Variants in ADGRL3 observed in about 807,000 individuals in gnomAD.
ADGRL3 encodes adhesion G protein-coupled receptor L3, also known as calcium-independent alpha-latrotoxin receptor 3.
A neutral mutation model predicts 153.5 loss-of-function variants in ADGRL3; 62 were observed. The ratio of observed to expected loss-of-function variants is 0.40; its 90% CI spans 0.33 to 0.50. The LOEUF is 0.50. ADGRL3 is among the 20% of genes least tolerant of loss of function. The pLI is 0.47. For missense variants in ADGRL3, 1,641 were observed against 1,859.4 expected (o/e 0.88, Z 2.16); for synonymous variants, 710 against 672.5 (o/e 1.06, Z -0.86).
intron 1 of ADGRL3, among the ~76,000 whole-genome samples, chr4:61,375,927 G>A (rs1026415732): frequency 4.6e-5 from 7 of 151,960 alleles, no homozygotes; most frequent in African/African-American, 1.4e-4. Flanking sequence ...GAGAACACAT[G>A]TTTTCTTTCC....
chr4:61,396,148 C>G (rs1365588324), intron 2 of ADGRL3, among the ~76,000 whole-genome samples: 1 of 151,922 alleles, frequency 6.6e-6, no homozygotes, highest in Non-Finnish European at 1.5e-5. Context: ...AAATGCTTGA[C>G]AGATTTCCCG....
intron 8 of ADGRL3, among the ~76,000 whole-genome samples, chr4:61,793,826 C>T (rs1000724373): frequency 6.6e-6 from 1 of 152,022 alleles, no homozygotes; most frequent in African/African-American, 2.4e-5. Flanking sequence ...AATATGACCT[C>T]AACATATGGT....
At chr4:61,864,507 C>T (rs1042935282) in intron 9 of ADGRL3, among the ~76,000 whole-genome samples, 5 of 152,096 alleles carry the variant, frequency 3.3e-5, no homozygotes, top group East Asian at 3.9e-4. Context: ...AGATACTTAA[C>T]GTTAATTGAG....
At chr4:61,425,011 C>G (rs2152368792) in intron 2 of ADGRL3, among the ~76,000 whole-genome samples, 1 of 152,244 alleles carries the variant, frequency 6.6e-6, no homozygotes, top group East Asian at 1.9e-4. Context: ...TATGGCCATT[C>G]CATGTCTCCA....
intron 13 of ADGRL3, among the ~76,000 whole-genome samples, chr4:61,926,555 G>C (rs1436461642): frequency 6.6e-6 from 1 of 152,028 alleles, no homozygotes; most frequent in Non-Finnish European, 1.5e-5. Flanking sequence ...CTCTATGTTA[G>C]CTAATTAGCC....
At chr4:61,996,383 T>C (rs2099121675) in intron 20 of ADGRL3, 26 bp downstream of exon 20, 2 of 1,514,868 alleles carry the variant, frequency 1.3e-6, no homozygotes, top group African/African-American at 1.4e-5. Flanking sequence ...TAACTATGTG[T>C]TTCCCAGATC....
chr4:61,808,272 G>T lies in ADGRL3; in HGVS notation c.1400-5537G>T, dbSNP rs527969442. On this transcript the variant is annotated intron_variant, in intron 8 of 26. Coordinates refer to ENST00000683033, the MANE Select transcript of ADGRL3 (RefSeq NM_001387552.1). ...TATGGTATCCTTAATACCGACCACA[G>T]AGTGGGAGCGGATGCTGAATAAATA... 2.0e-5 allele frequency among the ~76,000 whole-genome samples: 3 copies of T among 152,252 alleles called. No homozygotes were observed. In the South Asian group the frequency reaches 6.2e-4, roughly 32 times the overall value.
At chr4:61,852,833 T>G (rs1356248059) in intron 9 of ADGRL3, among the ~76,000 whole-genome samples, 1 of 151,610 alleles carries the variant, frequency 6.6e-6, no homozygotes, top group Non-Finnish European at 1.5e-5. Context: ...TTTATTTATT[T>G]ATTTATTTAT....
At chr4:62,045,146 T>C (rs1011746200) in intron 25 of ADGRL3, among the ~76,000 whole-genome samples, 1 of 151,972 alleles carries the variant, frequency 6.6e-6, no homozygotes, top group African/African-American at 2.4e-5. Flanking sequence ...GAAATGACGT[T>C]CCCTTAATCT....
chr4:61,898,829 C>T (rs1000499537), intron 11 of ADGRL3, among the ~76,000 whole-genome samples: 4 of 152,052 alleles, frequency 2.6e-5, no homozygotes, highest in Non-Finnish European at 5.9e-5. Context: ...GTTGCCCAGG[C>T]GGGTCTCAAA....
At chr4:61,373,677 G>GA (rs35743714) in intron 1 of ADGRL3, among the ~76,000 whole-genome samples, 3 of 152,038 alleles carry the variant, frequency 2.0e-5, no homozygotes, top group Non-Finnish European at 4.4e-5. Flanking sequence ...TTGTTATTCT[G>GA]AAAAATATTG....
At chr4:61,355,204 G>A (rs562587929) in intron 1 of ADGRL3, among the ~76,000 whole-genome samples, 4 of 152,178 alleles carry the variant, frequency 2.6e-5, no homozygotes, top group African/African-American at 9.6e-5. Context: ...TAGAAATGCT[G>A]TCAGGTTCAA....
intron 5 of ADGRL3, among the ~76,000 whole-genome samples, chr4:61,645,101 T>G (rs2093904469): frequency 8.2e-6 from 1 of 121,242 alleles, no homozygotes; most frequent in Non-Finnish European, 1.7e-5. Context: ...AGACTAGGAT[T>G]GCAACCCCTG....
At chr4:61,236,808 A>T (rs1376219519) in intron 1 of ADGRL3, among the ~76,000 whole-genome samples, 2 of 152,118 alleles carry the variant, frequency 1.3e-5, no homozygotes, top group Admixed American at 6.6e-5. Context: ...AGCGAATTAG[A>T]GCTAAGTTTT....
rs528069872 is a variant in ADGRL3, at chr4:61,222,739, C to T, written c.-240+20974C>T. Among the ~76,000 whole-genome samples, 3 of 152,196 alleles carry T rather than the reference C, an allele frequency of 2.0e-5. No homozygotes were observed. In the South Asian group the frequency reaches 6.2e-4, roughly 32 times the overall value. On this transcript the variant is annotated intron_variant, in intron 1 of 26. Coordinates refer to ENST00000683033, the MANE Select transcript of ADGRL3 (RefSeq NM_001387552.1). ...CAGTCAAGAAAGATAGAAAAGGAAA[C>T]CCAGACTACAAAGTGAATAATTTCC... is the stretch of plus-strand genomic sequence containing the variant.
intron 2 of ADGRL3, among the ~76,000 whole-genome samples, chr4:61,488,345 A>G (rs1410631167): frequency 1.3e-5 from 2 of 152,048 alleles, no homozygotes; most frequent in African/African-American, 4.8e-5. Context: ...AAAAAAATAA[A>G]TATTATTTGC....
chr4:61,273,789 G>A (rs1174390338), intron 1 of ADGRL3, among the ~76,000 whole-genome samples: 2 of 152,108 alleles, frequency 1.3e-5, no homozygotes, highest in African/African-American at 4.8e-5. Flanking sequence ...CGTGGAATTG[G>A]TGGTGCAAGT....
intron 1 of ADGRL3, among the ~76,000 whole-genome samples, chr4:61,291,651 A>G (rs1297053472): frequency 1.8e-5 from 2 of 110,756 alleles, no homozygotes; most frequent in African/African-American, 3.2e-5. Flanking sequence ...ATATGCATGT[A>G]TAGAGAGAAA....
At chr4:61,984,143 T>A (rs932847339) in intron 19 of ADGRL3, among the ~76,000 whole-genome samples, 2 of 152,168 alleles carry the variant, frequency 1.3e-5, no homozygotes, top group Non-Finnish European at 2.9e-5. Context: ...TGTCGAGATG[T>A]GAAGCATATT....
Sources: allele counts gnomAD v4.1 joint callset (sites outside exome capture counted in the v4.1 genomes callset), GRCh38; gene constraint gnomAD v4.1.1; transcripts MANE v1.5; gene names NCBI Gene and HGNC (gene_info 2026-07-23, HGNC 2026-07-21).